NRXN1: variants seen among roughly 807,000 people sequenced by gnomAD.
NRXN1 encodes the protein neurexin 1.
In NRXN1, 39 loss-of-function variants were observed where a neutral mutation model predicts 150.9. The ratio of observed to expected loss-of-function variants is 0.26; its 90% confidence interval spans 0.20 to 0.34. The LOEUF (loss-of-function observed/expected upper bound fraction) is 0.34, where lower values mean the gene tolerates loss of function less well. Among genes scored for constraint, NRXN1 ranks in the 10% least tolerant of loss-of-function variants. The pLI is 1.00. For missense variants in NRXN1, 1,815 were observed against 1,949.9 expected (o/e 0.93, Z 1.30); for synonymous variants, 924 against 757.0 (o/e 1.22, Z -3.62).
At chr2:51,007,149 T>C (rs1667139073) in intron 2 of NRXN1, among the ~76,000 whole-genome samples, 1 of 151,996 alleles carries the variant, frequency 6.6e-6, no homozygotes, top group Admixed American at 6.6e-5. Flanking sequence ...CGTCTCTTTT[T>C]ATTTCAAAAT....
chr2:50,264,291 TAGAAAC>T (rs2068618141), intron 17 of NRXN1, among the ~76,000 whole-genome samples: 1 of 151,946 alleles, frequency 6.6e-6, no homozygotes, highest in Non-Finnish European at 1.5e-5. Context: ...CATACGCACA[TAGAAAC>T]AGAATAGATA....
At chr2:50,298,138 A>T (rs2073801414) in intron 17 of NRXN1, among the ~76,000 whole-genome samples, 1 of 152,188 alleles carries the variant, frequency 6.6e-6, no homozygotes, top group African/African-American at 2.4e-5. Flanking sequence ...AATTGCCGTA[A>T]GTGCTAAAGC....
At chr2:50,029,748 G>A (rs996863845) in intron 21 of NRXN1, among the ~76,000 whole-genome samples, 10 of 152,176 alleles carry the variant, frequency 6.6e-5, no homozygotes, top group Admixed American at 2.6e-4. Flanking sequence ...GACTAAGTCA[G>A]CAGTAGGGCA....
chr2:50,013,438 G>C (rs561787375), intron 21 of NRXN1, among the ~76,000 whole-genome samples: 1 of 151,804 alleles, frequency 6.6e-6, no homozygotes, highest in Non-Finnish European at 1.5e-5. Flanking sequence ...TTGTTGGCCT[G>C]GTACCCAGAG....
intron 18 of NRXN1, among the ~76,000 whole-genome samples, chr2:50,129,932 T>C (rs12613266): frequency 0.17 from 25,958 of 152,238 alleles, 2,698 homozygotes; most frequent in East Asian, 0.37. Context: ...ATATAATTTA[T>C]ATTTTCTATA....
chr2:50,711,761 G>A (rs968518425), intron 5 of NRXN1, among the ~76,000 whole-genome samples: 3 of 152,080 alleles, frequency 2.0e-5, no homozygotes, highest in African/African-American at 4.8e-5. Flanking sequence ...AGGTATTTAG[G>A]TTATGAAGGT....
chr2:50,790,160 C>G (rs555177093), intron 5 of NRXN1, among the ~76,000 whole-genome samples: 83 of 152,060 alleles, frequency 5.5e-4, no homozygotes, highest in African/African-American at 1.9e-3. Context: ...CACACACACA[C>G]ACAAACAGGG....
At chr2:50,559,747 T>A (rs1477781922) in intron 8 of NRXN1, among the ~76,000 whole-genome samples, 1 of 152,180 alleles carries the variant, frequency 6.6e-6, no homozygotes, top group East Asian at 1.9e-4. Flanking sequence ...GATATATAGA[T>A]AAGTAGATAA....
intron 2 of NRXN1, among the ~76,000 whole-genome samples, chr2:50,969,889 G>C (rs1694740302): frequency 1.3e-5 from 2 of 152,150 alleles, no homozygotes; most frequent in African/African-American, 4.8e-5. Context: ...CAAAGATAAA[G>C]AGGAAATTGT....
intron 5 of NRXN1, among the ~76,000 whole-genome samples, chr2:50,704,133 C>T (rs1282344509): frequency 1.3e-5 from 2 of 151,956 alleles, no homozygotes; most frequent in African/African-American, 4.8e-5. Context: ...TAGAAGACAG[C>T]TGGTGGCCAA....
At chr2:50,609,263 G>T (rs1677634939) in intron 8 of NRXN1, among the ~76,000 whole-genome samples, 1 of 152,078 alleles carries the variant, frequency 6.6e-6, no homozygotes, top group African/African-American at 2.4e-5. Context: ...ATTTGTAGGG[G>T]TCAGTGTAAA....
chr2:50,282,279 A>T (rs1016419905), intron 17 of NRXN1, among the ~76,000 whole-genome samples: 3 of 152,180 alleles, frequency 2.0e-5, no homozygotes. Context: ...CCAAGGAGAG[A>T]TGTAGTTCTA....
At chr2:50,422,499 A>T (rs2084078032) in intron 17 of NRXN1, among the ~76,000 whole-genome samples, 1 of 152,110 alleles carries the variant, frequency 6.6e-6, no homozygotes, top group South Asian at 2.1e-4. Context: ...GAAGAGGAAA[A>T]CTCAAACCAC....
chr2:50,929,808 G>T (rs1687473416), intron 2 of NRXN1, among the ~76,000 whole-genome samples: 1 of 152,018 alleles, frequency 6.6e-6, no homozygotes, highest in African/African-American at 2.4e-5. Context: ...TCCCATGGTG[G>T]CACAGGATGG....
intron 5 of NRXN1, among the ~76,000 whole-genome samples, chr2:50,784,281 G>GA (rs1475689612): frequency 1.3e-5 from 2 of 151,934 alleles, no homozygotes; most frequent in Non-Finnish European, 2.9e-5. Flanking sequence ...GTCAGATGGA[G>GA]AAAAAATGCT....
At chr2:50,408,837 A>ATCTCTCTCTCTCTC (rs10522429) in intron 17 of NRXN1, among the ~76,000 whole-genome samples, 2,270 of 136,478 alleles carry the variant, frequency 0.017, 64 homozygotes, top group South Asian at 0.023. Flanking sequence ...ATCAATCTCA[A>ATCTCTCTCTCTCTC]TCTCTCTCTC....
intron 18 of NRXN1, among the ~76,000 whole-genome samples, chr2:50,230,316 T>C (rs1320773202): frequency 6.6e-6 from 1 of 151,998 alleles, no homozygotes; most frequent in Non-Finnish European, 1.5e-5. Context: ...TTAATATGTT[T>C]CACTGGAGTT....
At chr2:49,999,929 T>C (rs1294149139) in intron 21 of NRXN1, among the ~76,000 whole-genome samples, 1 of 152,178 alleles carries the variant, frequency 6.6e-6, no homozygotes, top group Non-Finnish European at 1.5e-5. Context: ...AAAGCCTACA[T>C]AGTGGAATGA....
chr2:50,470,387 G>T (rs910481548), intron 16 of NRXN1, among the ~76,000 whole-genome samples: 1 of 151,442 alleles, frequency 6.6e-6, no homozygotes, highest in Non-Finnish European at 1.5e-5. Context: ...ATCAAATAAA[G>T]AAATATACTA....
Sources: gnomAD v4.1 joint callset for allele counts (sites outside exome capture counted in the v4.1 genomes callset) on GRCh38, gnomAD v4.1.1 for gene constraint, MANE v1.5 for transcripts, NCBI Gene and HGNC (gene_info 2026-07-23, HGNC 2026-07-21) for gene names.